Variants in CDKN2B-AS1 observed in about 807,000 individuals in gnomAD.
The protein encoded by CDKN2B-AS1 is CDKN2B and CDKN2A antisense cis and trans regulatory RNA 1.
chr9:22,024,328 G>A (rs765031330), intron 1 of CDKN2B-AS1, among the ~76,000 whole-genome samples: 4 of 152,222 alleles, frequency 2.6e-5, no homozygotes, highest in Admixed American at 6.5e-5. Flanking sequence ...GGACCAAGGT[G>A]TGGCAGCTCC....
At chr9:22,045,070 G>GTATT (rs2131270891) in intron 1 of CDKN2B-AS1, among the ~76,000 whole-genome samples, 1 of 150,500 alleles carries the variant, frequency 6.6e-6, no homozygotes, top group East Asian at 1.9e-4. Context: ...GTGTGTGTGT[G>GTATT]TATTTATTTT....
Position 22,061,779 on chromosome 9 carries a change from G to C in CDKN2B-AS1, n.438+5392G>C, listed in dbSNP as rs922306507. ...TGCCTGAGTTTTCTTCTTTACAAAA[G>C]GGGGGAGGGAATAATAGCACCTGAT... On this transcript the variant is annotated intron_variant and non_coding_transcript_variant, in intron 4 of 4. Coordinates refer to ENST00000650946, the Ensembl canonical transcript of CDKN2B-AS1. 3.9e-5 allele frequency among the ~76,000 whole-genome samples: 6 copies of C among 151,992 alleles called. No homozygotes were observed. The East Asian group carries it at 5.8e-4, about 15-fold the overall frequency.
At position 21,999,817 on chromosome 9, in the gene CDKN2B-AS1, G is replaced by A. The variant is rs1220838233; in HGVS notation, n.29+4656G>A. Reference sequence around the variant, plus strand: ...ATAATGAAGCACATCTATATGCACTGACAATGGAAGTTGTCAAAGATCTAT... The same window carrying A: ...ATAATGAAGCACATCTATATGCACTAACAATGGAAGTTGTCAAAGATCTAT... On this transcript the variant is annotated intron_variant and non_coding_transcript_variant, in intron 1 of 4. Transcript: ENST00000650946. This position sits in a 1 kb window ranked among gnomAD's most constrained non-coding sequence, Gnocchi z 4.7. Among the ~76,000 whole-genome samples, 1 of 152,128 alleles carries A rather than the reference G, an allele frequency of 6.6e-6. No individual in the cohort carries two copies. Among genetic ancestry groups the A allele is most frequent in the Non-Finnish European group, 1.5e-5 (1 of 68,012 alleles).
intron 1 of CDKN2B-AS1, among the ~76,000 whole-genome samples, chr9:22,023,290 T>A (rs1822086918): frequency 6.6e-6 from 1 of 152,232 alleles, no homozygotes; most frequent in African/African-American, 2.4e-5. Context: ...CTCTATATAA[T>A]CCTATATTTC....
Position 22,072,525 on chromosome 9 carries a change from A to C in CDKN2B-AS1, n.438+16138A>C, listed in dbSNP as rs1037597502. On this transcript the variant is annotated intron_variant and non_coding_transcript_variant, in intron 4 of 4. Transcript: ENST00000650946. Reference sequence around the variant, plus strand: ...TGCGCCTGCACATGTAGCTTAAGCTATCTAAGCCTTAGTTAGTTTTGTCAT... The same window carrying C: ...TGCGCCTGCACATGTAGCTTAAGCTCTCTAAGCCTTAGTTAGTTTTGTCAT... 3.9e-5 allele frequency among the ~76,000 whole-genome samples: 6 copies of C among 152,238 alleles called. No individual in the cohort carries two copies. In the East Asian group the frequency reaches 7.7e-4, roughly 20 times the overall value.
At chr9:22,116,548 C>T (rs185884814) in intron 4 of CDKN2B-AS1, among the ~76,000 whole-genome samples, 1 of 152,292 alleles carries the variant, frequency 6.6e-6, no homozygotes, top group Admixed American at 6.5e-5. Context: ...CAGGGATAGC[C>T]TCTCTGAGGA....
chr9:22,049,893 AT>A lies in CDKN2B-AS1; in HGVS notation n.302+673del, dbSNP rs200803730. 0.03 allele frequency among the ~76,000 whole-genome samples: 1,261 copies of A among 42,056 alleles called. 86 individuals are homozygous for A. In the East Asian group the frequency reaches 0.51, roughly 17 times the overall value. The allele number at this position is 42,056 out of a possible 152,430, so 27.6% of individuals were successfully genotyped here. ...TAGCTATTATTATTTTTCCTTAAAT[AT>A]TTTTTTTCTGGCTTCCTAGCAATCA... is the stretch of plus-strand genomic sequence containing the variant. On this transcript the variant is annotated intron_variant and non_coding_transcript_variant, in intron 3 of 4. Coordinates refer to ENST00000650946, the Ensembl canonical transcript of CDKN2B-AS1.
intron 4 of CDKN2B-AS1, among the ~76,000 whole-genome samples, chr9:22,103,491 G>A (rs1311619355): frequency 6.6e-6 from 1 of 152,112 alleles, no homozygotes; most frequent in East Asian, 1.9e-4. Context: ...GCCCTCTGGT[G>A]AGTCAGCAGC....
chr9:22,072,906 C>A (rs1234882430), intron 4 of CDKN2B-AS1, among the ~76,000 whole-genome samples: 1 of 152,088 alleles, frequency 6.6e-6, no homozygotes, highest in Non-Finnish European at 1.5e-5. Flanking sequence ...GAATAATATT[C>A]CTTTCTCATT....
chr9:22,069,881 T>C (rs1824217701), intron 4 of CDKN2B-AS1, among the ~76,000 whole-genome samples: 1 of 152,164 alleles, frequency 6.6e-6, no homozygotes, highest in Non-Finnish European at 1.5e-5. Context: ...TTGTTTTTTC[T>C]TTTTGCAGAG....
intron 4 of CDKN2B-AS1, among the ~76,000 whole-genome samples, chr9:22,067,883 C>G (rs528082455): frequency 2.0e-5 from 3 of 152,148 alleles, no homozygotes; most frequent in Non-Finnish European, 4.4e-5. Flanking sequence ...TAAAAGCTTT[C>G]CAAATTTGCC....
intron 4 of CDKN2B-AS1, among the ~76,000 whole-genome samples, chr9:22,089,932 T>C (rs1403942021): frequency 1.3e-5 from 2 of 151,744 alleles, no homozygotes; most frequent in Non-Finnish European, 1.5e-5. Flanking sequence ...ACCCAGTAAC[T>C]CGTCATTTAA....
chr9:22,066,961 A>G (rs1440671476), intron 4 of CDKN2B-AS1, among the ~76,000 whole-genome samples: 1 of 152,114 alleles, frequency 6.6e-6, no homozygotes, highest in Non-Finnish European at 1.5e-5. Flanking sequence ...AAACTATCGC[A>G]AGGACAGAAA....
intron 4 of CDKN2B-AS1, among the ~76,000 whole-genome samples, chr9:22,060,031 C>T (rs1823748718): frequency 1.3e-5 from 2 of 152,140 alleles, no homozygotes; most frequent in South Asian, 2.1e-4. Context: ...GCCTCTGGGC[C>T]TGTGATGGGA....
intron 4 of CDKN2B-AS1, among the ~76,000 whole-genome samples, chr9:22,099,548 A>G (rs555746844): frequency 7.2e-5 from 11 of 152,306 alleles, no homozygotes; most frequent in South Asian, 6.2e-4. Context: ...GAATCTTACA[A>G]TCAATGGCAT....
chr9:22,026,222 A>T (rs1336799560), intron 1 of CDKN2B-AS1, among the ~76,000 whole-genome samples: 1 of 152,170 alleles, frequency 6.6e-6, no homozygotes, highest in Non-Finnish European at 1.5e-5. Flanking sequence ...AACAGCAAAG[A>T]TGGCAGCCTG....
At chr9:22,066,552 G>A (rs1289501151) in intron 4 of CDKN2B-AS1, among the ~76,000 whole-genome samples, 1 of 151,788 alleles carries the variant, frequency 6.6e-6, no homozygotes, top group Non-Finnish European at 1.5e-5. Context: ...CCTAGCTTCT[G>A]AGAATTTCTA....
At chr9:22,120,121 A>C (rs561581779) in intron 4 of CDKN2B-AS1, 1 of 152,194 alleles carries the variant, frequency 6.6e-6, no homozygotes, top group Non-Finnish European at 1.5e-5. Flanking sequence ...GATTGTATAC[A>C]CTATAATGAT....
At position 22,005,912 on chromosome 9, in the gene CDKN2B-AS1, C is replaced by A; in HGVS notation, n.29+10751C>A. The A allele has an allele frequency of 1.3e-6, 2 of 1,561,960 alleles. No individual in the cohort carries two copies. The highest frequency in any genetic ancestry group is 3.6e-5 in the Admixed American group (2 of 55,938). ...TCCGCCGCTCCCCGTTGGCAGCCTT[C>A]ATCGAATTAGGTGGGTGGGGGTGGG... On this transcript the variant is annotated intron_variant and non_coding_transcript_variant, in intron 1 of 4. Coordinates refer to ENST00000650946, the Ensembl canonical transcript of CDKN2B-AS1. The surrounding 1 kb of genome is among the most constrained non-coding windows in gnomAD (Gnocchi z 4.9).
Sources: allele counts gnomAD v4.1 joint callset (sites outside exome capture counted in the v4.1 genomes callset), GRCh38; gene constraint gnomAD v4.1.1; non-coding constraint Gnocchi (gnomAD v3.1); transcripts MANE v1.5; gene names NCBI Gene and HGNC (gene_info 2026-07-23, HGNC 2026-07-21).